The following MAML2 variants were observed in gnomAD, a reference collection of about 807,000 sequenced individuals.
MAML2 encodes mastermind like transcriptional coactivator 2, also known as mastermind-like protein 2.
MAML2 carries 22 observed loss-of-function variants against 96.1 expected under a neutral mutation model. The ratio of observed to expected loss-of-function variants is 0.23; its 90% CI spans 0.16 to 0.33. The LOEUF (loss-of-function observed/expected upper bound fraction) is 0.33. MAML2 is among the 10% of genes least tolerant of loss of function. MAML2 has a pLI of 1.00. For missense variants in MAML2, 1,367 were observed against 1,392.4 expected (o/e 0.98, Z 0.29); for synonymous variants, 561 against 521.3 (o/e 1.08, Z -1.04).
intron 2 of MAML2, among the ~76,000 whole-genome samples, chr11:96,028,299 T>C (rs1158002193): frequency 6.6e-6 from 1 of 152,202 alleles, no homozygotes; most frequent in Non-Finnish European, 1.5e-5. Context: ...CCAAAGACTC[T>C]TCTTTCTCTC....
At chr11:96,036,463 G>T (rs1277562413) in intron 2 of MAML2, among the ~76,000 whole-genome samples, 1 of 152,130 alleles carries the variant, frequency 6.6e-6, no homozygotes, top group Non-Finnish European at 1.5e-5. Flanking sequence ...CTGACTCAGA[G>T]CCCCTGGAAC....
chr11:96,293,067 G>T (rs561117855), intron 1 of MAML2, among the ~76,000 whole-genome samples: 4 of 152,280 alleles, frequency 2.6e-5, no homozygotes, highest in South Asian at 2.1e-4. Flanking sequence ...TGCTTGAAAA[G>T]GTTATCCACA....
At chr11:96,120,977 G>A (rs1478805272) in intron 1 of MAML2, among the ~76,000 whole-genome samples, 1 of 152,212 alleles carries the variant, frequency 6.6e-6, no homozygotes, top group Non-Finnish European at 1.5e-5. Flanking sequence ...TAGGGCAAGT[G>A]CTGTGATTTT....
At position 96,092,549 on chromosome 11, in the gene MAML2, G is replaced by A; in HGVS notation, c.1482C>T (p.Ser494=). 1 of 1,602,140 alleles carries A rather than the reference G, an allele frequency of 6.2e-7. No homozygotes were observed. Among genetic ancestry groups the A allele is most frequent in the Non-Finnish European group, 8.5e-7 (1 of 1,172,236 alleles). ...SFGQQTFSPQ[S]SPMPGVAGGS... The stretch of plus-strand genomic sequence containing the variant: ...CGCCAGCTACCCCAGGCATGGGGGA[G>A]CTCTGTGGGCTGAATGTCTGCTGAC... Residue 494 remains serine, a synonymous_variant, in exon 2 of 5, where the codon AGC becomes AGT. Transcript: ENST00000524717. This position sits in a 1 kb window ranked among gnomAD's most constrained non-coding sequence, Gnocchi z 4.1.
chr11:96,173,813 A>G (rs1439098464), intron 1 of MAML2, among the ~76,000 whole-genome samples: 1 of 152,158 alleles, frequency 6.6e-6, no homozygotes, highest in Non-Finnish European at 1.5e-5. Flanking sequence ...CTCCTGCCTC[A>G]CTCCAATAAC....
chr11:96,099,144 G>A (rs149163491), intron 1 of MAML2, among the ~76,000 whole-genome samples: 6 of 152,156 alleles, frequency 3.9e-5, no homozygotes, highest in African/African-American at 1.4e-4. Flanking sequence ...ACATACTCAA[G>A]GGAATATCTT....
intron 4 of MAML2, among the ~76,000 whole-genome samples, chr11:95,984,395 T>A (rs1857791960): frequency 6.6e-6 from 1 of 152,228 alleles, no homozygotes; most frequent in African/African-American, 2.4e-5. Flanking sequence ...TAGAGAATCC[T>A]GTTTTTGCTC....
At position 96,308,787 on chromosome 11, in the gene MAML2, C is replaced by T. The variant is rs370222842; in HGVS notation, c.513+32596G>A. ...GTTTGCTTGTTTCTTATATGTCTTC[C>T]TATTAGAATGTAAAGACCTTGAAGC... is the stretch of plus-strand genomic sequence containing the variant. On this transcript the variant is annotated intron_variant, in intron 1 of 4. Transcript: ENST00000524717. Among the ~76,000 whole-genome samples the T allele has an allele frequency of 5.3e-5, 8 of 152,078 alleles. No homozygotes were observed. The East Asian group carries it at 1.2e-3, about 22-fold the overall frequency.
intron 2 of MAML2, among the ~76,000 whole-genome samples, chr11:96,025,646 C>T (rs147173295): frequency 0.019 from 2,916 of 152,264 alleles, 97 homozygotes; most frequent in African/African-American, 0.067. Context: ...CTCCACCTCC[C>T]GGGTTCAAGC....
intron 1 of MAML2, among the ~76,000 whole-genome samples, chr11:96,239,148 C>T (rs915372426): frequency 1.3e-5 from 2 of 152,226 alleles, no homozygotes; most frequent in African/African-American, 2.4e-5. Flanking sequence ...GATGATACAA[C>T]AGATCCCAAT....
chr11:96,275,432 T>C (rs1862975945), intron 1 of MAML2, among the ~76,000 whole-genome samples: 1 of 151,850 alleles, frequency 6.6e-6, no homozygotes, highest in South Asian at 2.1e-4. Context: ...CACCCGCCAC[T>C]ACGCCTAGCT....
intron 2 of MAML2, among the ~76,000 whole-genome samples, chr11:96,086,049 T>C (rs1390493847): frequency 6.6e-6 from 1 of 152,228 alleles, no homozygotes; most frequent in South Asian, 2.1e-4. Flanking sequence ...TCACTTCTTA[T>C]ATAGAATGGA....
At chr11:96,050,780 G>A (rs1858977320) in intron 2 of MAML2, among the ~76,000 whole-genome samples, 1 of 152,196 alleles carries the variant, frequency 6.6e-6, no homozygotes, top group African/African-American at 2.4e-5. Context: ...CTATGGAGTT[G>A]TTACAAGAGT....
chr11:96,069,726 T>C (rs867760107), intron 2 of MAML2, among the ~76,000 whole-genome samples: 3 of 151,920 alleles, frequency 2.0e-5, no homozygotes, highest in Admixed American at 6.6e-5. Context: ...AATGTAACTT[T>C]AGAAGATCTA....
At chr11:96,013,541 C>A (rs1372214469) in intron 2 of MAML2, among the ~76,000 whole-genome samples, 1 of 152,162 alleles carries the variant, frequency 6.6e-6, no homozygotes. Context: ...GCACTTCCTG[C>A]CCAAATGTTG....
intron 1 of MAML2, among the ~76,000 whole-genome samples, chr11:96,113,132 G>T (rs922778420): frequency 1.9e-4 from 28 of 149,670 alleles, no homozygotes; most frequent in African/African-American, 6.2e-4. Flanking sequence ...GGAGGAAGAG[G>T]AGGAGGAAAA....
intron 1 of MAML2, among the ~76,000 whole-genome samples, chr11:96,287,725 C>A (rs1445824075): frequency 6.6e-6 from 1 of 152,154 alleles, no homozygotes; most frequent in African/African-American, 2.4e-5. Context: ...TACTCAGACA[C>A]CTTATTAAGT....
chr11:96,217,979 C>T (rs1292832065), intron 1 of MAML2, among the ~76,000 whole-genome samples: 1 of 152,160 alleles, frequency 6.6e-6, no homozygotes, highest in Non-Finnish European at 1.5e-5. Context: ...TTAAAATCCC[C>T]CCTTCAAGAC....
At chr11:96,157,516 C>T (rs1312628986) in intron 1 of MAML2, among the ~76,000 whole-genome samples, 1 of 152,242 alleles carries the variant, frequency 6.6e-6, no homozygotes, top group Non-Finnish European at 1.5e-5. Flanking sequence ...TACCTCTCCC[C>T]ACCACCATTC....
Sources: gnomAD v4.1 joint callset for allele counts (sites outside exome capture counted in the v4.1 genomes callset) on GRCh38, gnomAD v4.1.1 for gene constraint, Gnocchi (gnomAD v3.1) non-coding constraint, MANE v1.5 for transcripts, NCBI Gene and HGNC (gene_info 2026-07-23, HGNC 2026-07-21) for gene names.